Variants in CALB1 observed in about 807,000 individuals in gnomAD.
CALB1 encodes the protein calbindin 1, also known as calbindin.
CALB1 carries 16 observed loss-of-function variants against 46.7 expected under a neutral mutation model. That is an observed-to-expected ratio of 0.34 (90% CI 0.23 to 0.52). CALB1 has a LOEUF of 0.52. Ranked by LOEUF, CALB1 falls within the 20% of genes least tolerant of loss-of-function variation. The pLI, the probability that CALB1 is intolerant of heterozygous loss-of-function variation, is 0.95. For missense variants in CALB1, 224 were observed against 300.3 expected (o/e 0.75, Z 1.88); for synonymous variants, 90 against 112.8 (o/e 0.80, Z 1.28).
At chr8:90,066,067 TGCA>T (rs1432785363) in intron 5 of CALB1, 92 bp from the exon 6 acceptor site, 1 of 829,098 alleles carries the variant, frequency 1.2e-6, no homozygotes, top group Non-Finnish European at 2.0e-6. Context: ...ATACCAGGAA[TGCA>T]AAGAAAGTCT....
intron 3 of CALB1, among the ~76,000 whole-genome samples, chr8:90,074,683 C>T (rs1438167536): frequency 6.6e-6 from 1 of 152,136 alleles, no homozygotes; most frequent in Non-Finnish European, 1.5e-5. Context: ...GAGGGAAAGG[C>T]TGGAGAAGAG....
At chr8:90,075,516 T>C (rs778167629) in intron 3 of CALB1, among the ~76,000 whole-genome samples, 2 of 152,132 alleles carry the variant, frequency 1.3e-5, no homozygotes, top group African/African-American at 2.4e-5. Flanking sequence ...GGCTAGAATT[T>C]GTGTATTTGT....
chr8:90,064,997 T>G (rs910276053), intron 6 of CALB1, among the ~76,000 whole-genome samples: 1 of 151,854 alleles, frequency 6.6e-6, no homozygotes, highest in Non-Finnish European at 1.5e-5. Context: ...GTCTAACTCC[T>G]TCTTCAATCT....
At chr8:90,081,857 CATTT>C (rs1814739185) in intron 2 of CALB1, among the ~76,000 whole-genome samples, 165 bp downstream of exon 2, 1 of 151,582 alleles carries the variant, frequency 6.6e-6, no homozygotes, top group African/African-American at 2.4e-5. Flanking sequence ...TCCCCTTTCC[CATTT>C]CTCTGTATTC....
chr8:90,066,118 A>C, intron 5 of CALB1, 143 bp from the exon 6 acceptor site: 1 of 612,604 alleles, frequency 1.6e-6, no homozygotes, highest in South Asian at 2.0e-5. Flanking sequence ...AGAGGAACTT[A>C]TAATAGAAGA....
chr8:90,073,248 G>A (rs147090321), intron 3 of CALB1, among the ~76,000 whole-genome samples: 122 of 152,254 alleles, frequency 8.0e-4, no homozygotes, highest in Middle Eastern at 3.4e-3. Flanking sequence ...AGGGGTTGGG[G>A]TGGACATTGT....
intron 10 of CALB1, 136 bp from the exon 11 acceptor site, chr8:90,060,422 A>G: frequency 1.4e-6 from 1 of 714,834 alleles, no homozygotes; most frequent in Non-Finnish European, 2.4e-6. Flanking sequence ...ATTCTTATAC[A>G]AATGTGAATA....
In CALB1 at chr8:90,082,756, G is replaced by C; in HGVS notation, c.-59C>G. Reference sequence around the variant, plus strand: ...ATGCGTGTGTCTGTGTCCGCGCGAGGGGGAGTGAGCAAAAGCTCAGCGTGT... The same window carrying C: ...ATGCGTGTGTCTGTGTCCGCGCGAGCGGGAGTGAGCAAAAGCTCAGCGTGT... On this transcript the variant is annotated 5_prime_UTR_variant, in exon 1 of 11. Coordinates refer to ENST00000265431, the MANE Select transcript of CALB1 (RefSeq NM_004929.4). 1 of 1,476,892 alleles carries C rather than the reference G, an allele frequency of 6.8e-7. No individual in the cohort carries two copies. The highest frequency in any genetic ancestry group is 9.5e-7 in the Non-Finnish European group (1 of 1,055,264). 91.5% of individuals were successfully genotyped at this position (1,476,892 alleles called of 1,614,324 possible).
intron 6 of CALB1, 79 bp from the exon 7 acceptor site, chr8:90,063,540 T>C: frequency 8.2e-7 from 1 of 1,225,708 alleles, no homozygotes; most frequent in Admixed American, 1.9e-5. Context: ...AAAATAAAGC[T>C]GTTTGAGTTA....
rs1481874351 is a variant in CALB1, at chr8:90,058,626, T to C, written c.*1547A>G. On this transcript the variant is annotated 3_prime_UTR_variant, in exon 11 of 11. Coordinates refer to ENST00000265431, the MANE Select transcript of CALB1 (RefSeq NM_004929.4). The stretch of plus-strand genomic sequence containing the variant: ...CAAGAGATTAAGGTTATTTTCTTCT[T>C]TATTTATTCTTAGTAGTTAAATTCA... The C allele has an allele frequency of 6.6e-6, 1 of 152,234 alleles. No individual in the cohort carries two copies. The highest frequency in any genetic ancestry group is 6.5e-5 in the Admixed American group (1 of 15,290). 9.4% of individuals were successfully genotyped at this position (152,234 alleles called of 1,614,324 possible). A position where few individuals can be genotyped will look rare whatever the true frequency, so the allele number is the denominator to read the frequency against.
intron 3 of CALB1, among the ~76,000 whole-genome samples, chr8:90,076,879 T>G (rs142676730): frequency 1.1e-3 from 170 of 152,126 alleles, no homozygotes; most frequent in African/African-American, 3.7e-3. Flanking sequence ...AAAATCCATG[T>G]GAATCAGATC....
intron 6 of CALB1, among the ~76,000 whole-genome samples, chr8:90,065,522 A>G (rs1044698772): frequency 5.3e-5 from 8 of 151,852 alleles, no homozygotes; most frequent in Admixed American, 2.0e-4. Context: ...TAGGAACTCT[A>G]TAATAAGTGA....
chr8:90,078,577 A>C (rs1814663276), intron 2 of CALB1, 130 bp from the exon 3 acceptor site: 1 of 578,536 alleles, frequency 1.7e-6, no homozygotes, highest in Non-Finnish European at 3.1e-6. Flanking sequence ...ATGATTAACT[A>C]TTCTCAAAAA....
chr8:90,065,631 A>G (rs774294398), intron 6 of CALB1, among the ~76,000 whole-genome samples: 3 of 151,878 alleles, frequency 2.0e-5, no homozygotes, highest in Admixed American at 1.3e-4. Flanking sequence ...AAGCAAAACA[A>G]GTCATCTTTT....
chr8:90,077,410 G>C (rs984200222), intron 3 of CALB1, among the ~76,000 whole-genome samples: 3 of 151,830 alleles, frequency 2.0e-5, no homozygotes, highest in African/African-American at 7.3e-5. Flanking sequence ...CTGAATCAAA[G>C]GTAAATTATT....
chr8:90,060,419 T>TA, intron 10 of CALB1, 133 bp from the exon 11 acceptor site: 2 of 721,578 alleles, frequency 2.8e-6, no homozygotes, highest in Non-Finnish European at 4.8e-6. Context: ...TAAATTCTTA[T>TA]ACAAATGTGA....
At position 90,074,986 on chromosome 8, in the gene CALB1, T is replaced by G. The variant is rs189389401; in HGVS notation, c.231+3387A>C. ...CTTCTTTGCAGTAGAGCTATTAGTC[T>G]GAATAAATTCGGAACATTTTTTTGA... On this transcript the variant is annotated intron_variant, in intron 3 of 10. Coordinates refer to ENST00000265431, the MANE Select transcript of CALB1 (RefSeq NM_004929.4). Among the ~76,000 whole-genome samples, 429 of 152,344 alleles carry G rather than the reference T, an allele frequency of 2.8e-3. 5 individuals are homozygous for G. Among genetic ancestry groups the G allele is most frequent in the South Asian group, 0.018 (88 of 4,828 alleles).
rs1269802675 is a variant in CALB1, at chr8:90,059,986, G to A, written c.*187C>T. On this transcript the variant is annotated 3_prime_UTR_variant, in exon 11 of 11. Transcript: ENST00000265431. ...TAGACTTTCTTCTTTTCAATCATAT[G>A]GTTACAAAAACTGTATATTACAAAC... The A allele has an allele frequency of 4.1e-6, 2 of 489,854 alleles. No homozygotes were observed. The highest frequency in any genetic ancestry group is 7.2e-6 in the Non-Finnish European group (2 of 276,634). 30.3% of individuals were successfully genotyped at this position (489,854 alleles called of 1,614,324 possible).
At chr8:90,076,598 ACTTCATCGC>A (rs1160798888) in intron 3 of CALB1, among the ~76,000 whole-genome samples, 3 of 151,908 alleles carry the variant, frequency 2.0e-5, no homozygotes, top group Admixed American at 6.6e-5. Flanking sequence ...TTTATTTCAG[ACTTCATCGC>A]CTTCTCTGTC....
Sources: allele counts gnomAD v4.1 joint callset (sites outside exome capture counted in the v4.1 genomes callset), GRCh38; gene constraint gnomAD v4.1.1; transcripts MANE v1.5; gene names NCBI Gene and HGNC (gene_info 2026-07-23, HGNC 2026-07-21).